GPM6A: variants seen among roughly 807,000 people sequenced by gnomAD.
The protein encoded by GPM6A is glycoprotein M6A.
GPM6A carries 7 observed loss-of-function variants against 32.1 expected under a neutral mutation model. The observed-to-expected ratio is 0.22, with a 90% CI of 0.12 to 0.41. The LOEUF is 0.41. GPM6A is among the 10% of genes least tolerant of loss of function. The pLI is 1.00. For missense variants in GPM6A, 235 were observed against 347.2 expected (o/e 0.68, Z 2.57); for synonymous variants, 130 against 123.4 (o/e 1.05, Z -0.35).
intron 1 of GPM6A, among the ~76,000 whole-genome samples, chr4:175,818,065 A>G (rs558550471): frequency 6.6e-6 from 1 of 152,320 alleles, no homozygotes; most frequent in East Asian, 1.9e-4. Context: ...TCACATAATT[A>G]CCAGGGCTGT....
At chr4:175,999,251 C>A (rs1490004443) in intron 1 of GPM6A, among the ~76,000 whole-genome samples, 1 of 152,170 alleles carries the variant, frequency 6.6e-6, no homozygotes, top group Admixed American at 6.5e-5. Context: ...AAAAATATTC[C>A]TGACCTATCT....
At chr4:175,719,616 C>T (rs539358117) in intron 1 of GPM6A, among the ~76,000 whole-genome samples, 1 of 151,948 alleles carries the variant, frequency 6.6e-6, no homozygotes. Context: ...GTTACAATGT[C>T]AGAAACAAAT....
chr4:175,677,300 C>T lies in GPM6A; in HGVS notation c.231-3464G>A, dbSNP rs183996405. ...AAATTTGGCCTGAAATGTTATGTTT[C>T]GGTACCATTTTGGGGAAGTGAGGGG... is the stretch of plus-strand genomic sequence containing the variant. On this transcript the variant is annotated intron_variant, in intron 2 of 6. Transcript: ENST00000393658. Among the ~76,000 whole-genome samples, 222 of 152,212 alleles carry T rather than the reference C, an allele frequency of 1.5e-3. 1 individual carries two copies. The highest frequency in any genetic ancestry group is 5.0e-3 in the African/African-American group (208 of 41,544).
chr4:175,771,743 T>A (rs996460387), intron 1 of GPM6A, among the ~76,000 whole-genome samples: 3 of 152,026 alleles, frequency 2.0e-5, no homozygotes, highest in African/African-American at 7.2e-5. Flanking sequence ...AATTCAGAAA[T>A]GTTTATTACT....
chr4:175,987,524 T>TTGTGTGTG lies in GPM6A; in HGVS notation c.-23+14777_-23+14784dup, dbSNP rs141045074. Among the ~76,000 whole-genome samples the TTGTGTGTG allele has an allele frequency of 4.5e-3, 670 of 148,680 alleles. 4 individuals are homozygous for TTGTGTGTG. Among genetic ancestry groups the TTGTGTGTG allele is most frequent in the Middle Eastern group, 0.025 (7 of 284 alleles). ...AACTTACTTTTGTACTAAAGTGTGT[T>TTGTGTGTG]TGTGTGTGTGTGTGTGTGTGTGTGT... On this transcript the variant is annotated intron_variant, in intron 1 of 7. Transcript: ENST00000280187.
At chr4:175,761,643 C>T (rs1732747286) in intron 1 of GPM6A, among the ~76,000 whole-genome samples, 1 of 151,798 alleles carries the variant, frequency 6.6e-6, no homozygotes, top group Non-Finnish European at 1.5e-5. Flanking sequence ...TAATAATATA[C>T]TAAAAGGTTT....
At chr4:175,910,714 A>G (rs10520316) in intron 1 of GPM6A, among the ~76,000 whole-genome samples, 1 of 152,212 alleles carries the variant, frequency 6.6e-6, no homozygotes, top group East Asian at 1.9e-4. Context: ...CTAAGAAATC[A>G]AACAATAATT....
rs150672472 is a variant in GPM6A at position 175,837,309 on chromosome 4, C to A, written c.-22-25060G>T. 2.7e-3 allele frequency among the ~76,000 whole-genome samples: 418 copies of A among 152,262 alleles called. 1 individual carries two copies. The highest frequency in any genetic ancestry group is 9.8e-3 in the African/African-American group (406 of 41,538). ...CCCTAATTTTAGCCCAGCGAGACTC[C>A]TTTCAGACCTCTGACCACTGGAACT... On this transcript the variant is annotated intron_variant, in intron 1 of 7. Transcript: ENST00000280187.
intron 1 of GPM6A, among the ~76,000 whole-genome samples, chr4:175,938,636 T>C (rs1344837739): frequency 6.6e-6 from 1 of 151,936 alleles, no homozygotes; most frequent in Non-Finnish European, 1.5e-5. Flanking sequence ...TTGTACATAA[T>C]CCTTAATTAT....
intron 2 of GPM6A, among the ~76,000 whole-genome samples, chr4:175,696,958 G>A (rs867697561): frequency 6.6e-6 from 1 of 151,998 alleles, no homozygotes; most frequent in Middle Eastern, 3.4e-3. Context: ...TTTTGTTTTA[G>A]GTAAATAGGA....
At chr4:175,967,963 C>T (rs1209074133) in intron 1 of GPM6A, among the ~76,000 whole-genome samples, 1 of 152,044 alleles carries the variant, frequency 6.6e-6, no homozygotes, top group Non-Finnish European at 1.5e-5. Context: ...ACATCAACAG[C>T]ACGATGTTGA....
In GPM6A at chr4:175,729,813, T is replaced by C. The variant is rs903521394; in HGVS notation, c.38-28046A>G. On this transcript the variant is annotated intron_variant, in intron 1 of 6. Coordinates refer to ENST00000393658, the MANE Select transcript of GPM6A (RefSeq NM_201591.3). ...ATTATCTATTATATTATATTATATA[T>C]TAATATATGTATTTAATAATTATTT... Among the ~76,000 whole-genome samples the C allele has an allele frequency of 2.7e-5, 4 of 146,936 alleles. No individual in the cohort carries two copies. The South Asian group carries it at 6.3e-4, about 23-fold the overall frequency.
intron 1 of GPM6A, among the ~76,000 whole-genome samples, chr4:175,982,335 A>AT (rs1416897642): frequency 6.6e-6 from 1 of 151,908 alleles, no homozygotes; most frequent in Non-Finnish European, 1.5e-5. Flanking sequence ...GGTCAAAAAG[A>AT]TTTTTTCCTT....
rs1740439756 is a variant in GPM6A, at chr4:175,634,013, T to C, written c.*892A>G. 6.6e-6 allele frequency: 1 copy of C among 152,556 alleles called. No homozygotes were observed. The highest frequency in any genetic ancestry group is 1.5e-5 in the Non-Finnish European group (1 of 67,962). The allele number at this position is 152,556 out of a possible 1,614,324, so 9.5% of individuals were successfully genotyped here. A position where few individuals can be genotyped will look rare whatever the true frequency, so the allele number is the denominator to read the frequency against. ...GCTTATTTGTAATAAACCACCTTCA[T>C]AAAGGTAATTAATTTTCCACATTAG... On this transcript the variant is annotated 3_prime_UTR_variant, in exon 7 of 7. Coordinates refer to ENST00000393658, the MANE Select transcript of GPM6A (RefSeq NM_201591.3).
chr4:175,746,373 C>T (rs1303844337), intron 1 of GPM6A, among the ~76,000 whole-genome samples: 1 of 152,160 alleles, frequency 6.6e-6, no homozygotes, highest in African/African-American at 2.4e-5. Flanking sequence ...CTTCATTTTG[C>T]ACATCTTGGG....
intron 1 of GPM6A, among the ~76,000 whole-genome samples, chr4:175,936,211 C>CA (rs1739221405): frequency 7.3e-6 from 1 of 137,420 alleles, no homozygotes; most frequent in Non-Finnish European, 1.5e-5. Flanking sequence ...GAGGCTGAGG[C>CA]AGGAGAATGG....
intron 1 of GPM6A, among the ~76,000 whole-genome samples, chr4:175,895,326 A>G (rs1305533348): frequency 6.6e-6 from 1 of 152,118 alleles, no homozygotes; most frequent in Non-Finnish European, 1.5e-5. Flanking sequence ...TCCTATTTAT[A>G]TTTTTCTCAG....
intron 4 of GPM6A, chr4:175,641,754 A>G (rs910281347): frequency 6.6e-6 from 1 of 152,098 alleles, no homozygotes; most frequent in African/African-American, 2.4e-5. Context: ...TAGTGGTGCA[A>G]TCTCAGCTAA....
At chr4:175,821,359 T>C (rs1735272450) in intron 1 of GPM6A, among the ~76,000 whole-genome samples, 1 of 152,174 alleles carries the variant, frequency 6.6e-6, no homozygotes, top group Non-Finnish European at 1.5e-5. Flanking sequence ...TCTATAGATG[T>C]TATTTGTAAG....
Sources: allele counts gnomAD v4.1 joint callset (sites outside exome capture counted in the v4.1 genomes callset), GRCh38; gene constraint gnomAD v4.1.1; transcripts MANE v1.5; gene names NCBI Gene and HGNC (gene_info 2026-07-23, HGNC 2026-07-21).